The following PELI2 variants were observed in gnomAD, a reference collection of about 807,000 sequenced individuals.
PELI2 encodes pellino E3 ubiquitin protein ligase family member 2, also known as E3 ubiquitin-protein ligase pellino homolog 2.
Under a neutral mutation model 42.3 loss-of-function variants are expected in PELI2, and 23 were observed. The ratio of observed to expected loss-of-function variants is 0.54; its 90% CI spans 0.39 to 0.77. The LOEUF is 0.77. PELI2 is among the 30% of genes least tolerant of loss of function. PELI2 has a pLI of 0.00. For synonymous variants in PELI2, 245 were observed against 212.2 expected, an observed-to-expected ratio of 1.15 and a Z score of -1.34; for missense variants, 463 against 553.2, an observed-to-expected ratio of 0.84 and a Z score of 1.64.
intron 2 of PELI2, among the ~76,000 whole-genome samples, chr14:56,249,584 T>C (rs375156): frequency 0.91 from 138,035 of 152,164 alleles, 62,889 homozygotes; most frequent in Middle Eastern, 0.95. Flanking sequence ...CAAGAACTGT[T>C]CTTTGTAACC....
chr14:56,191,811 CTTTG>C (rs1199743788), intron 2 of PELI2, among the ~76,000 whole-genome samples: 11 of 152,060 alleles, frequency 7.2e-5, no homozygotes, highest in African/African-American at 2.4e-4. Flanking sequence ...AGTTAACTAC[CTTTG>C]TTTTTGTTTT....
chr14:56,167,781 CT>C (rs1432441028), intron 1 of PELI2, among the ~76,000 whole-genome samples: 1 of 152,172 alleles, frequency 6.6e-6, no homozygotes, highest in African/African-American at 2.4e-5. Context: ...TTACTGTAGT[CT>C]TCACTTTCTG....
chr14:56,272,529 T>C (rs1235508165), intron 2 of PELI2, among the ~76,000 whole-genome samples: 1 of 152,222 alleles, frequency 6.6e-6, no homozygotes, highest in East Asian at 1.9e-4. Flanking sequence ...GATTTTCTTC[T>C]TCTGCCTTCC....
chr14:56,263,678 A>G (rs1888802004), intron 2 of PELI2, among the ~76,000 whole-genome samples: 1 of 152,198 alleles, frequency 6.6e-6, no homozygotes, highest in Non-Finnish European at 1.5e-5. Context: ...TAAAAAGCAA[A>G]CAGCAATAAA....
At chr14:56,271,492 A>G (rs1889103107) in intron 2 of PELI2, among the ~76,000 whole-genome samples, 1 of 152,224 alleles carries the variant, frequency 6.6e-6, no homozygotes, top group Admixed American at 6.5e-5. Context: ...TTTCTGTGGT[A>G]GTCATTTTGT....
chr14:56,137,491 C>T (rs1256799185), intron 1 of PELI2, among the ~76,000 whole-genome samples: 1 of 152,156 alleles, frequency 6.6e-6, no homozygotes, highest in South Asian at 2.1e-4. Flanking sequence ...GGTTCCTTAT[C>T]ACCTCCAGAA....
intron 1 of PELI2, among the ~76,000 whole-genome samples, chr14:56,162,794 A>G (rs1370769892): frequency 6.6e-6 from 1 of 152,192 alleles, no homozygotes; most frequent in East Asian, 1.9e-4. Context: ...CGTTTGGATA[A>G]AAGCCATTTG....
At chr14:56,234,031 C>A (rs1462964068) in intron 2 of PELI2, among the ~76,000 whole-genome samples, 2 of 152,170 alleles carry the variant, frequency 1.3e-5, no homozygotes, top group Non-Finnish European at 2.9e-5. Flanking sequence ...CAGAGAAATG[C>A]AAATCAAAAC....
chr14:56,212,489 G>T (rs1886746473), intron 2 of PELI2, among the ~76,000 whole-genome samples: 1 of 152,184 alleles, frequency 6.6e-6, no homozygotes, highest in Non-Finnish European at 1.5e-5. Flanking sequence ...GGGGAGAGAG[G>T]ATCTGTGCCT....
At chr14:56,154,053 T>G (rs1884462855) in intron 1 of PELI2, among the ~76,000 whole-genome samples, 1 of 152,166 alleles carries the variant, frequency 6.6e-6, no homozygotes, top group Non-Finnish European at 1.5e-5. Flanking sequence ...ATATAGACAT[T>G]TAGAAGATAG....
chr14:56,218,350 G>C (rs1886987383), intron 2 of PELI2, among the ~76,000 whole-genome samples: 1 of 152,210 alleles, frequency 6.6e-6, no homozygotes, highest in Admixed American at 6.5e-5. Flanking sequence ...GCCAAGAATT[G>C]CACTTTCTTC....
At chr14:56,155,681 G>A (rs1026445913) in intron 1 of PELI2, among the ~76,000 whole-genome samples, 2 of 151,178 alleles carry the variant, frequency 1.3e-5, no homozygotes, top group East Asian at 1.9e-4. Context: ...TCCCGGGTTC[G>A]CCCCATTCTC....
At position 56,137,078 on chromosome 14, in the gene PELI2, A is replaced by C. The variant is rs144805481; in HGVS notation, c.77+18341A>C. On this transcript the variant is annotated intron_variant, in intron 1 of 5. Transcript: ENST00000267460. ...AAACAAAATGAGTTTTCACCTACCCAGTAGAAACCTGTACTGCATAAGAGG... is the reference window on the plus strand; with the variant it reads ...AAACAAAATGAGTTTTCACCTACCCCGTAGAAACCTGTACTGCATAAGAGG... Among the ~76,000 whole-genome samples the C allele has an allele frequency of 1.5e-4, 23 of 152,348 alleles. 1 individual carries two copies. Among genetic ancestry groups the C allele is most frequent in the Middle Eastern group, 3.4e-3 (1 of 294 alleles).
intron 2 of PELI2, among the ~76,000 whole-genome samples, chr14:56,258,423 A>G (rs893536371): frequency 6.6e-6 from 1 of 152,322 alleles, no homozygotes; most frequent in South Asian, 2.1e-4. Context: ...GAAATTACAG[A>G]TGGAATTAAA....
chr14:56,192,735 C>G (rs1885996802), intron 2 of PELI2, among the ~76,000 whole-genome samples: 1 of 152,212 alleles, frequency 6.6e-6, no homozygotes, highest in South Asian at 2.1e-4. Context: ...TAATGTTACT[C>G]AACTCATAGA....
At chr14:56,252,867 A>G (rs1421056332) in intron 2 of PELI2, among the ~76,000 whole-genome samples, 4 of 152,198 alleles carry the variant, frequency 2.6e-5, no homozygotes, top group African/African-American at 7.2e-5. Context: ...TGAGGCCAGC[A>G]TTATCCTGAT....
intron 2 of PELI2, among the ~76,000 whole-genome samples, chr14:56,226,666 A>G (rs1887366928): frequency 6.6e-6 from 1 of 152,164 alleles, no homozygotes; most frequent in Non-Finnish European, 1.5e-5. Flanking sequence ...GATTGGTAAT[A>G]TTCTGTGAGC....
chr14:56,211,117 A>C (rs912751558), intron 2 of PELI2, among the ~76,000 whole-genome samples: 3 of 152,156 alleles, frequency 2.0e-5, no homozygotes, highest in Admixed American at 2.0e-4. Flanking sequence ...GTCAACTGAG[A>C]AGTGCCCATA....
At chr14:56,121,334 G>A (rs35100694) in intron 1 of PELI2, among the ~76,000 whole-genome samples, 3 of 151,936 alleles carry the variant, frequency 2.0e-5, no homozygotes, top group African/African-American at 7.3e-5. Context: ...GCAGAATGAA[G>A]AGCTGATAGA....
Sources: allele counts gnomAD v4.1 joint callset (sites outside exome capture counted in the v4.1 genomes callset), GRCh38; gene constraint gnomAD v4.1.1; transcripts MANE v1.5; gene names NCBI Gene and HGNC (gene_info 2026-07-23, HGNC 2026-07-21).